FAAP100: variants seen among roughly 807,000 people sequenced by gnomAD.
FAAP100 encodes the protein Fanconi anemia core complex-associated protein 100.
Under a neutral mutation model 65.8 loss-of-function variants are expected in FAAP100, and 46 were observed. The observed-to-expected ratio is 0.70, with a 90% confidence interval of 0.55 to 0.89. The LOEUF (loss-of-function observed/expected upper bound fraction) is 0.89, where lower values mean the gene tolerates loss of function less well. Among genes scored for constraint, FAAP100 ranks in the 40% least tolerant of loss-of-function variants. FAAP100 has a pLI of 0.00. For missense variants in FAAP100, 1,165 were observed against 1,196.7 expected (o/e 0.97, Z 0.39); for synonymous variants, 663 against 555.1 (o/e 1.19, Z -2.73).
rs766418626 is a variant in FAAP100 at position 81,549,284 on chromosome 17, C to T, written c.1325G>A (p.Gly442Asp). 2 of 1,613,228 alleles carry T rather than the reference C, an allele frequency of 1.2e-6. No homozygotes were observed. Among genetic ancestry groups the T allele is most frequent in the Non-Finnish European group, 1.7e-6 (2 of 1,180,008 alleles). Residue 442 changes from glycine (G) to aspartate (D), a missense_variant, in exon 4 of 9, where the codon GGC becomes GAC. Transcript: ENST00000327787. ...ACTCTCTGTGGTCATCCTGGCTGGG[C>T]CAGGCATCTCAGAGTCCAGGTCCAG... Reference protein sequence around the residue: ...CSLDLDSEMPGPARMTTESAG... With the variant: ...CSLDLDSEMPDPARMTTESAG...
Position 81,544,214 on chromosome 17 carries a change from G to A in FAAP100, c.2311-94C>T, listed in dbSNP as rs1049078111. ...CAGGAGCCTCCCCAGCTGGCAGCAC[G>A]TGAGGCCCTGAGATGGTCCCAACCC... On this transcript the variant is annotated intron_variant, in intron 6 of 8. Coordinates refer to ENST00000327787, the MANE Select transcript of FAAP100 (RefSeq NM_025161.6). 56 of 1,015,500 alleles carry A rather than the reference G, an allele frequency of 5.5e-5. 1 individual carries two copies. In the South Asian group the frequency reaches 6.4e-4, roughly 12 times the overall value. The allele number at this position is 1,015,500 out of a possible 1,614,324, so 62.9% of individuals were successfully genotyped here.
chr17:81,551,799 G>A, intron 2 of FAAP100, 129 bp downstream of exon 2: 1 of 1,381,852 alleles, frequency 7.2e-7, no homozygotes, highest in Non-Finnish European at 9.3e-7. Flanking sequence ...ATCGGGCAGG[G>A]ATGGCGGCCG....
rs752903125 is a variant in FAAP100 at position 81,547,269 on chromosome 17, T to C, written c.1813A>G (p.Ser605Gly). 1.2e-6 allele frequency: 2 copies of C among 1,607,854 alleles called. No individual in the cohort carries two copies. Among genetic ancestry groups the C allele is most frequent in the African/African-American group, 2.7e-5 (2 of 74,854 alleles). ...PVTVSCTLFYSLREVVGGALA... is the reference protein window; with the variant it reads ...PVTVSCTLFYGLREVVGGALA... Reference sequence around the variant, plus strand: ...GCCCCGCCCACCACCTCCCTGAGACTGTAGAACAGCGTGCAGGACACGGTC... The same window carrying C: ...GCCCCGCCCACCACCTCCCTGAGACCGTAGAACAGCGTGCAGGACACGGTC... Residue 605 changes from serine (S) to glycine (G), a missense_variant, in exon 5 of 9, where the codon AGT becomes GGT. Coordinates refer to ENST00000327787, the MANE Select transcript of FAAP100 (RefSeq NM_025161.6).
At chr17:81,541,665 TC>T (rs1430860464) in intron 7 of FAAP100, among the ~76,000 whole-genome samples, 1 of 152,174 alleles carries the variant, frequency 6.6e-6, no homozygotes. Flanking sequence ...ATCTTCCCTG[TC>T]CCCAAGAGCC....
intron 1 of FAAP100, 45 bp from the exon 2 acceptor site, chr17:81,552,097 G>A (rs1041253149): frequency 2.1e-6 from 3 of 1,459,650 alleles, no homozygotes; most frequent in Admixed American, 2.7e-5. Flanking sequence ...GCGCGGGCCC[G>A]CGGTCTTCAT....
chr17:81,549,360 C>T lies in FAAP100; in HGVS notation c.1249G>A (p.Gly417Ser), dbSNP rs766328777. The T allele has an allele frequency of 1.2e-6, 2 of 1,604,892 alleles. No individual in the cohort carries two copies. Among genetic ancestry groups the T allele is most frequent in the East Asian group, 4.5e-5 (2 of 44,704 alleles). Residue 417 changes from glycine to serine, a missense_variant and splice_region_variant, in exon 4 of 9, where the codon GGC becomes AGC. Physicochemically the swap from Gly to Ser is moderately conservative, Grantham distance 56. Transcript: ENST00000327787. ...LSASPRTHEG[G>S]TKLLALSAKG... ...GCGGACAGGGCCAGGAGCTTGGTGC[C>T]ACCTGGTGACAGACACACATGGGGC...
chr17:81,544,029 T>C lies in FAAP100; in HGVS notation c.2402A>G (p.His801Arg). The C allele has an allele frequency of 1.2e-6, 2 of 1,612,560 alleles. No homozygotes were observed. The highest frequency in any genetic ancestry group is 1.7e-6 in the Non-Finnish European group (2 of 1,179,776). The change falls in exon 7 of 9, where the codon CAC (histidine) becomes CGC (arginine). Residue 801 changes from histidine to arginine, a missense_variant. Physicochemically the swap from His to Arg is conservative, Grantham distance 29. Transcript: ENST00000327787. The part of the protein sequence containing the change: ...SSSLADICRA[H>R]HAVVGRMQTM... ...CTGCATGCGCCCGACAACGGCATGG[T>C]GCGCCCTGCAAATGTCGGCCAGAGA... is the stretch of plus-strand genomic sequence containing the variant.
chr17:81,549,637 G>T (rs949472700), intron 3 of FAAP100, among the ~76,000 whole-genome samples: 1 of 152,220 alleles, frequency 6.6e-6, no homozygotes, highest in African/African-American at 2.4e-5. Context: ...CTCCTGCTGT[G>T]TATGTATTTT....
chr17:81,545,877 G>A lies in FAAP100; in HGVS notation c.2179C>T (p.Pro727Ser). The A allele has an allele frequency of 6.2e-7, 1 of 1,606,120 alleles. No homozygotes were observed. The highest frequency in any genetic ancestry group is 1.3e-5 in the African/African-American group (1 of 75,014). ...AALKDGHSGV[P>S]LCCATLQWLL... Reference sequence around the variant, plus strand: ...CACTGCAGGGTGGCACAGCACAGGGGCACGCCTGGAGGGGAGGCATCAGCC... The same window carrying A: ...CACTGCAGGGTGGCACAGCACAGGGACACGCCTGGAGGGGAGGCATCAGCC... The change falls in exon 6 of 9, where the codon CCC (proline) becomes TCC (serine). Residue 727 changes from proline to serine, a missense_variant. Physicochemically the swap from Pro to Ser is moderately conservative, Grantham distance 74. Transcript: ENST00000327787.
chr17:81,549,405 G>T, intron 3 of FAAP100, 43 bp from the exon 4 acceptor site: 1 of 1,573,384 alleles, frequency 6.4e-7, no homozygotes. Flanking sequence ...GGCTGGGAGG[G>T]GCAAGCAGCA....
At chr17:81,541,489 G>C in intron 7 of FAAP100, 94 bp from the exon 8 acceptor site, 1 of 1,110,194 alleles carries the variant, frequency 9.0e-7, no homozygotes, top group Non-Finnish European at 1.3e-6. Flanking sequence ...CGAGCTGCCT[G>C]GTGCTGCCTC....
intron 4 of FAAP100, 132 bp downstream of exon 4, chr17:81,549,064 AAAAAAAAAAG>A: frequency 7.2e-5 from 38 of 524,930 alleles, no homozygotes; most frequent in South Asian, 1.6e-4. Context: ...AAAAAAAAAA[AAAAAAAAAAG>A]AGGCCAAGTA....
chr17:81,540,078 C>A lies in FAAP100; in HGVS notation c.*741G>T. On this transcript the variant is annotated 3_prime_UTR_variant, in exon 9 of 9. Transcript: ENST00000327787. ...CTGGGGGCTGGGGCTCAGGGCCCCC[C>A]CCCGGGCCACAGCGCCACCCTGAGT... The A allele has an allele frequency of 2.9e-6, 1 of 342,006 alleles. No individual in the cohort carries two copies. Among genetic ancestry groups the A allele is most frequent in the Non-Finnish European group, 5.1e-6 (1 of 196,378 alleles). 21.2% of individuals were successfully genotyped at this position (342,006 alleles called of 1,614,324 possible).
At chr17:81,545,705 ACTG>A in intron 6 of FAAP100, 38 bp downstream of exon 6, 1 of 1,583,744 alleles carries the variant, frequency 6.3e-7, no homozygotes. Flanking sequence ...CACCCCAAGA[ACTG>A]CTGGTGCCGT....
At chr17:81,549,052 A>G (rs1163023331) in intron 4 of FAAP100, among the ~76,000 whole-genome samples, 154 bp downstream of exon 4, 4 of 13,564 alleles carry the variant, frequency 2.9e-4, no homozygotes, top group Admixed American at 1.2e-3. Context: ...AAAAAAAAAA[A>G]AAAAAAAAAA....
chr17:81,552,042 C>A lies in FAAP100; in HGVS notation c.176G>T (p.Arg59Leu). Residue 59 changes from arginine to leucine, a missense_variant, in exon 2 of 9, where the codon CGG becomes CTG. Arg to Leu is a moderately radical substitution (Grantham distance 102). Transcript: ENST00000327787. ...CAGGTGCCACACCTGGTCGGGGAAC[C>A]GGAACGCCGCCTGCGGACCGGGGCG... is the stretch of plus-strand genomic sequence containing the variant. ...QEGGLLTAAF[R>L]FPDQVWHLEL... is the part of the protein sequence containing the mutation. The A allele has an allele frequency of 1.3e-6, 2 of 1,527,454 alleles. No individual in the cohort carries two copies. Among genetic ancestry groups the A allele is most frequent in the East Asian group, 2.7e-5 (1 of 37,014 alleles). 94.6% of individuals were successfully genotyped at this position (1,527,454 alleles called of 1,614,324 possible). A position where few individuals can be genotyped will look rare whatever the true frequency, so the allele number is the denominator to read the frequency against.
intron 7 of FAAP100, among the ~76,000 whole-genome samples, chr17:81,541,664 G>T (rs371127964): frequency 6.6e-6 from 1 of 152,184 alleles, no homozygotes; most frequent in African/African-American, 2.4e-5. Context: ...GATCTTCCCT[G>T]TCCCCAAGAG....
chr17:81,548,913 G>A (rs997335098), intron 4 of FAAP100, among the ~76,000 whole-genome samples: 60 of 151,732 alleles, frequency 4.0e-4, no homozygotes, highest in Non-Finnish European at 7.1e-4. Context: ...GGTGGCGGGC[G>A]CCTGTAGTCC....
At chr17:81,541,164 C>T (rs566403767) in intron 8 of FAAP100, 145 bp downstream of exon 8, 81 of 1,108,158 alleles carry the variant, frequency 7.3e-5, no homozygotes, top group East Asian at 3.6e-4. Context: ...GAGCCATGGC[C>T]GCTCGGACTT....
Sources: gnomAD v4.1 joint callset for allele counts (sites outside exome capture counted in the v4.1 genomes callset) on GRCh38, gnomAD v4.1.1 for gene constraint, MANE v1.5 for transcripts, NCBI Gene and HGNC (gene_info 2026-07-23, HGNC 2026-07-21) for gene names.